Variants in ECT2L observed in about 807,000 individuals in gnomAD.
The protein encoded by ECT2L is epithelial cell-transforming sequence 2 oncogene-like.
In ECT2L, 126 loss-of-function variants were observed where a neutral mutation model predicts 122.8. The ratio of observed to expected loss-of-function variants is 1.03; its 90% CI spans 0.89 to 1.19. The LOEUF (loss-of-function observed/expected upper bound fraction) is 1.19, where lower values mean the gene tolerates loss of function less well. Ranked by LOEUF, ECT2L falls within the 50% of genes most tolerant of loss-of-function variation. The pLI is 0.00. For missense variants in ECT2L, 1,012 were observed against 1,064.1 expected (o/e 0.95, Z 0.68); for synonymous variants, 385 against 381.8 (o/e 1.01, Z -0.10).
intron 1 of ECT2L, among the ~76,000 whole-genome samples, chr6:138,805,125 A>G (rs1311670806): frequency 6.6e-6 from 1 of 152,154 alleles, no homozygotes; most frequent in Non-Finnish European, 1.5e-5. Context: ...ATATTGTGTG[A>G]TTCATCCTTA....
chr6:138,814,674 T>C, intron 4 of ECT2L, 71 bp downstream of exon 4: 1 of 915,874 alleles, frequency 1.1e-6, no homozygotes, highest in Non-Finnish European at 1.6e-6. Context: ...TTATATAACC[T>C]TTAAGAGATT....
chr6:138,820,062 C>T (rs1178009857), intron 4 of ECT2L, among the ~76,000 whole-genome samples: 1 of 152,160 alleles, frequency 6.6e-6, no homozygotes, highest in African/African-American at 2.4e-5. Flanking sequence ...CCCAGCCAAG[C>T]CATTCCACAT....
chr6:138,799,758 C>T (rs1056601426), intron 1 of ECT2L, among the ~76,000 whole-genome samples: 3 of 152,192 alleles, frequency 2.0e-5, no homozygotes, highest in African/African-American at 4.8e-5. Flanking sequence ...GCCATATTGG[C>T]CAGGCTGATC....
At chr6:138,858,109 T>G (rs1286510558) in intron 10 of ECT2L, among the ~76,000 whole-genome samples, 1 of 152,174 alleles carries the variant, frequency 6.6e-6, no homozygotes, top group African/African-American at 2.4e-5. Context: ...TTATTACAAT[T>G]CAAGATGAGA....
intron 10 of ECT2L, among the ~76,000 whole-genome samples, chr6:138,861,701 C>A (rs1308060566): frequency 3.9e-5 from 6 of 152,108 alleles, no homozygotes; most frequent in Admixed American, 3.9e-4. Context: ...ATGATAGTTT[C>A]TTTTGCTGTG....
chr6:138,834,675 T>A (rs1417064899), intron 4 of ECT2L, among the ~76,000 whole-genome samples: 1 of 152,148 alleles, frequency 6.6e-6, no homozygotes, highest in Non-Finnish European at 1.5e-5. Context: ...AGCAAAATGA[T>A]CCTGAAGTCT....
chr6:138,844,680 T>G, intron 7 of ECT2L, 100 bp downstream of exon 7: 1 of 1,126,146 alleles, frequency 8.9e-7, no homozygotes, highest in Non-Finnish European at 1.3e-6. Flanking sequence ...TGTGTAATTC[T>G]GTGGCTCATA....
At chr6:138,834,959 T>A (rs1396562810) in intron 4 of ECT2L, among the ~76,000 whole-genome samples, 1 of 151,668 alleles carries the variant, frequency 6.6e-6, no homozygotes. Context: ...TCTCTGTCTC[T>A]TTCCTCACAA....
chr6:138,896,547 G>A (rs1021876406), intron 20 of ECT2L, among the ~76,000 whole-genome samples: 2 of 152,154 alleles, frequency 1.3e-5, no homozygotes, highest in Non-Finnish European at 2.9e-5. Context: ...GACCCCAAAC[G>A]CCACTGTGAT....
intron 14 of ECT2L, chr6:138,879,163 C>A: frequency 3.9e-6 from 1 of 258,158 alleles, no homozygotes; most frequent in Non-Finnish European, 7.8e-6. Flanking sequence ...ATCTGATCCG[C>A]CTCATTGACA....
chr6:138,824,666 G>A (rs749934467), intron 4 of ECT2L, among the ~76,000 whole-genome samples: 2 of 151,840 alleles, frequency 1.3e-5, no homozygotes, highest in Non-Finnish European at 2.9e-5. Flanking sequence ...GTTATGAGAC[G>A]GCATTAAGCA....
intron 10 of ECT2L, among the ~76,000 whole-genome samples, chr6:138,858,641 G>C (rs1777705654): frequency 6.7e-6 from 1 of 149,072 alleles, no homozygotes; most frequent in South Asian, 2.1e-4. Context: ...CCCCCAACCT[G>C]AGGCAGCCAC....
intron 11 of ECT2L, among the ~76,000 whole-genome samples, chr6:138,863,318 A>T (rs962848417): frequency 1.3e-5 from 2 of 152,210 alleles, no homozygotes; most frequent in African/African-American, 4.8e-5. Flanking sequence ...AGTAGGGCTG[A>T]GAGTGATGCA....
At chr6:138,885,388 G>A in intron 16 of ECT2L, 118 bp from the exon 17 acceptor site, 1 of 905,430 alleles carries the variant, frequency 1.1e-6, no homozygotes, top group Non-Finnish European at 1.8e-6. Flanking sequence ...CTACTAATTG[G>A]TTAGACATAG....
chr6:138,866,149 G>GT (rs56300933), intron 12 of ECT2L, among the ~76,000 whole-genome samples: 15,946 of 134,376 alleles, frequency 0.12, 1,399 homozygotes, highest in African/African-American at 0.23. Context: ...ATTTTTCATA[G>GT]TTTTTTTTTT....
At chr6:138,893,173 T>TG (rs1341625372) in intron 20 of ECT2L, among the ~76,000 whole-genome samples, 2 of 143,468 alleles carry the variant, frequency 1.4e-5, no homozygotes, top group African/African-American at 5.7e-5. Flanking sequence ...AGTTTTTTTT[T>TG]GTTTTTTTTT....
intron 8 of ECT2L, among the ~76,000 whole-genome samples, chr6:138,847,541 T>G (rs1231950529): frequency 2.1e-5 from 3 of 144,538 alleles, no homozygotes; most frequent in African/African-American, 7.9e-5. Flanking sequence ...CGGCTAATTT[T>G]TTTTTTTTTT....
chr6:138,885,420 C>G (rs960601990), intron 16 of ECT2L, 86 bp from the exon 17 acceptor site: 3 of 1,330,420 alleles, frequency 2.3e-6, no homozygotes, highest in African/African-American at 1.4e-5. Context: ...TTGCTTCAGG[C>G]ATTCCATAGA....
At chr6:138,862,396 T>C (rs938124844) in intron 10 of ECT2L, among the ~76,000 whole-genome samples, 1 of 151,980 alleles carries the variant, frequency 6.6e-6, no homozygotes, top group Admixed American at 6.6e-5. Flanking sequence ...CCACACACTT[T>C]TAAACAACCA....
Sources: gnomAD v4.1 joint callset for allele counts (sites outside exome capture counted in the v4.1 genomes callset) on GRCh38, gnomAD v4.1.1 for gene constraint, MANE v1.5 for transcripts, NCBI Gene and HGNC (gene_info 2026-07-23, HGNC 2026-07-21) for gene names.